RAD51B: variants seen among roughly 807,000 people sequenced by gnomAD.
RAD51B encodes DNA repair protein RAD51 homolog 2.
A neutral mutation model predicts 42.2 loss-of-function variants in RAD51B; 38 were observed. That is an observed-to-expected ratio of 0.90 (90% CI 0.70 to 1.18). RAD51B has a LOEUF of 1.18. Among genes scored for constraint, RAD51B ranks in the 50% most tolerant of loss-of-function variants. The pLI is 0.00. For synonymous variants in RAD51B, 154 were observed against 145.2 expected, an observed-to-expected ratio of 1.06 and a Z score of -0.43; for missense variants, 373 against 400.7, an observed-to-expected ratio of 0.93 and a Z score of 0.59.
At chr14:68,303,962 G>T (rs998217264) in intron 8 of RAD51B, among the ~76,000 whole-genome samples, 1 of 152,154 alleles carries the variant, frequency 6.6e-6, no homozygotes, top group Non-Finnish European at 1.5e-5. Flanking sequence ...TTGAGGCCAG[G>T]AGTTCAAGAC....
chr14:68,335,440 G>A (rs2082436501), intron 8 of RAD51B, among the ~76,000 whole-genome samples: 1 of 151,888 alleles, frequency 6.6e-6, no homozygotes, highest in African/African-American at 2.4e-5. Context: ...GCATACTTTA[G>A]TCTCTTAGTA....
At chr14:67,977,093 G>A (rs1595194216) in intron 7 of RAD51B, among the ~76,000 whole-genome samples, 1 of 152,228 alleles carries the variant, frequency 6.6e-6, no homozygotes. Context: ...TTGAATTCTC[G>A]TTGCATTAAC....
chr14:68,073,664 C>G (rs1321967932), intron 7 of RAD51B, among the ~76,000 whole-genome samples: 2 of 151,972 alleles, frequency 1.3e-5, no homozygotes, highest in Admixed American at 6.6e-5. Flanking sequence ...CAGTAATTGT[C>G]CTTCATTTCT....
At chr14:68,594,813 T>A in exon 11 of RAD51B, 24 of 1,230,146 alleles carry the variant, frequency 2.0e-5, no homozygotes, top group Non-Finnish European at 2.4e-5. Flanking sequence ...GGCAATGGAG[T>A]GACAGGTGAC....
At chr14:68,561,728 G>A (rs765967645) in intron 10 of RAD51B, among the ~76,000 whole-genome samples, 3 of 152,218 alleles carry the variant, frequency 2.0e-5, no homozygotes, top group Non-Finnish European at 4.4e-5. Context: ...AGAGGGAGCA[G>A]GCCCTCGAGC....
At chr14:68,517,780 C>T (rs147576184) in intron 10 of RAD51B, among the ~76,000 whole-genome samples, 17 of 152,162 alleles carry the variant, frequency 1.1e-4, no homozygotes, top group East Asian at 7.7e-4. Flanking sequence ...ATGAGAAAGG[C>T]GTTTTATTTA....
intron 10 of RAD51B, among the ~76,000 whole-genome samples, chr14:68,502,395 C>T (rs146639870): frequency 3.3e-5 from 5 of 152,192 alleles, no homozygotes; most frequent in South Asian, 4.1e-4. Flanking sequence ...TCCGACTCCC[C>T]CCACGGGCCG....
At chr14:68,145,557 G>C (rs1019051429) in intron 7 of RAD51B, among the ~76,000 whole-genome samples, 2 of 152,186 alleles carry the variant, frequency 1.3e-5, no homozygotes, top group Admixed American at 6.5e-5. Context: ...AGAAAAATGT[G>C]ATATGTGTAA....
intron 10 of RAD51B, among the ~76,000 whole-genome samples, chr14:68,538,222 G>C (rs948134676): frequency 5.3e-5 from 8 of 152,190 alleles, no homozygotes; most frequent in Non-Finnish European, 1.0e-4. Flanking sequence ...CTGCACCTTT[G>C]ATGTGAGCAA....
At chr14:68,576,405 C>T (rs984267960) in intron 10 of RAD51B, among the ~76,000 whole-genome samples, 1 of 152,228 alleles carries the variant, frequency 6.6e-6, no homozygotes, top group Non-Finnish European at 1.5e-5. Context: ...CTGCCACCCC[C>T]AACCCAGAGG....
At position 68,352,387 on chromosome 14, in the gene RAD51B, C is replaced by T. The variant is rs140661281; in HGVS notation, c.854-59037C>T. ...AGCCAGCAGGAACCTAGAAAGTGAC[C>T]AGGCCACCCCCTTGCCCACATAGAA... On this transcript the variant is annotated intron_variant, in intron 8 of 10. Transcript: ENST00000471583. Among the ~76,000 whole-genome samples the T allele has an allele frequency of 2.2e-4, 34 of 152,302 alleles. No individual in the cohort carries two copies. The East Asian group carries it at 6.0e-3, about 27-fold the overall frequency.
intron 7 of RAD51B, among the ~76,000 whole-genome samples, chr14:67,971,012 A>G (rs2074887580): frequency 6.6e-6 from 1 of 152,116 alleles, no homozygotes; most frequent in African/African-American, 2.4e-5. Context: ...CTGTTATGAC[A>G]TAAAAGCTAT....
At chr14:68,200,904 C>T (rs1191425388) in intron 7 of RAD51B, among the ~76,000 whole-genome samples, 12 of 152,026 alleles carry the variant, frequency 7.9e-5, no homozygotes, top group African/African-American at 2.4e-4. Flanking sequence ...GCAATCCTCC[C>T]GCCTTGGTCT....
chr14:68,156,285 C>T (rs149561202), intron 7 of RAD51B, among the ~76,000 whole-genome samples: 2 of 152,286 alleles, frequency 1.3e-5, no homozygotes, highest in Non-Finnish European at 2.9e-5. Flanking sequence ...AAGTTCATCT[C>T]CACAGGGAAA....
chr14:68,129,031 G>A (rs2077832012), intron 7 of RAD51B, among the ~76,000 whole-genome samples: 1 of 152,118 alleles, frequency 6.6e-6, no homozygotes, highest in South Asian at 2.1e-4. Flanking sequence ...CTTGCTTCTG[G>A]AAGAATTCAC....
At chr14:68,295,592 C>G (rs2081598742) in intron 8 of RAD51B, among the ~76,000 whole-genome samples, 1 of 152,104 alleles carries the variant, frequency 6.6e-6, no homozygotes, top group South Asian at 2.1e-4. Flanking sequence ...TGCTCTGGGC[C>G]TGCAGCTGGC....
At chr14:68,364,153 G>A (rs1180517315) in intron 8 of RAD51B, among the ~76,000 whole-genome samples, 1 of 152,090 alleles carries the variant, frequency 6.6e-6, no homozygotes, top group Non-Finnish European at 1.5e-5. Flanking sequence ...CTCTCCGATT[G>A]CCCCAGTGTG....
At chr14:68,090,232 T>G (rs973202593) in intron 7 of RAD51B, among the ~76,000 whole-genome samples, 1 of 152,194 alleles carries the variant, frequency 6.6e-6, no homozygotes, top group Non-Finnish European at 1.5e-5. Flanking sequence ...ATTGATGTGC[T>G]TTAGCTCTTG....
At chr14:67,868,943 C>T (rs1390302120) in intron 5 of RAD51B, among the ~76,000 whole-genome samples, 3 of 152,230 alleles carry the variant, frequency 2.0e-5, no homozygotes, top group African/African-American at 7.2e-5. Context: ...TGTACATCAC[C>T]ATCATCAAAG....
Sources: gnomAD v4.1 joint callset for allele counts (sites outside exome capture counted in the v4.1 genomes callset) on GRCh38, gnomAD v4.1.1 for gene constraint, MANE v1.5 for transcripts, NCBI Gene and HGNC (gene_info 2026-07-23, HGNC 2026-07-21) for gene names.